The following CNTNAP2 variants were observed in gnomAD, a reference collection of about 807,000 sequenced individuals.
The protein encoded by CNTNAP2 is contactin-associated protein-like 2.
CNTNAP2 carries 98 observed loss-of-function variants against 155.2 expected under a neutral mutation model. That is an observed-to-expected ratio of 0.63 (90% CI 0.54 to 0.75). The LOEUF (loss-of-function observed/expected upper bound fraction) is 0.75. Among genes scored for constraint, CNTNAP2 ranks in the 30% least tolerant of loss-of-function variants. The pLI is 0.00. For synonymous variants in CNTNAP2, 651 were observed against 631.2 expected, an observed-to-expected ratio of 1.03 and a Z score of -0.47; for missense variants, 1,727 against 1,688.1, an observed-to-expected ratio of 1.02 and a Z score of -0.40.
At chr7:146,151,990 T>C (rs1039389685) in intron 1 of CNTNAP2, among the ~76,000 whole-genome samples, 1 of 151,444 alleles carries the variant, frequency 6.6e-6, no homozygotes, top group African/African-American at 2.4e-5. Context: ...AACTACCATA[T>C]GATTCAGCAA....
At chr7:148,169,895 G>T (rs901182595) in intron 17 of CNTNAP2, among the ~76,000 whole-genome samples, 1 of 152,122 alleles carries the variant, frequency 6.6e-6, no homozygotes, top group Non-Finnish European at 1.5e-5. Flanking sequence ...GGGAGGCGGA[G>T]GTTGCAGTGA....
At chr7:146,798,993 C>T (rs1802820969) in intron 2 of CNTNAP2, among the ~76,000 whole-genome samples, 1 of 152,160 alleles carries the variant, frequency 6.6e-6, no homozygotes, top group Non-Finnish European at 1.5e-5. Context: ...TATCCTCTTT[C>T]ATACAAACTA....
At chr7:147,692,377 A>G (rs1488757237) in intron 13 of CNTNAP2, among the ~76,000 whole-genome samples, 37 of 152,090 alleles carry the variant, frequency 2.4e-4, no homozygotes, top group Non-Finnish European at 7.4e-5. Context: ...ACCAAACAAC[A>G]CTATTGCTGT....
chr7:147,293,659 G>A (rs991933417), intron 8 of CNTNAP2, among the ~76,000 whole-genome samples: 4 of 151,936 alleles, frequency 2.6e-5, no homozygotes, highest in African/African-American at 9.7e-5. Context: ...TTTTAAATAC[G>A]TTCTTTTTCT....
rs191035604 is a variant in CNTNAP2, at chr7:147,534,077, A to G, written c.1778-28061A>G. Among the ~76,000 whole-genome samples the G allele has an allele frequency of 6.4e-3, 978 of 152,312 alleles. 13 individuals are homozygous for G. The highest frequency in any genetic ancestry group is 0.022 in the African/African-American group (931 of 41,560). Reference sequence around the variant, plus strand: ...CAATTCTCTATCAACATGGAGGCTCAACCTGATTTTGGGGCATTGTGTAAG... The same window carrying G: ...CAATTCTCTATCAACATGGAGGCTCGACCTGATTTTGGGGCATTGTGTAAG... On this transcript the variant is annotated intron_variant, in intron 11 of 23. Transcript: ENST00000361727.
chr7:148,335,678 A>G (rs6976306), intron 21 of CNTNAP2, among the ~76,000 whole-genome samples: 64,766 of 152,052 alleles, frequency 0.43, 14,325 homozygotes, highest in East Asian at 0.66. Flanking sequence ...ATCATCCCCT[A>G]AAAGAAATGC....
intron 12 of CNTNAP2, among the ~76,000 whole-genome samples, chr7:147,584,719 A>G (rs993519841): frequency 6.6e-6 from 1 of 152,216 alleles, no homozygotes; most frequent in Non-Finnish European, 1.5e-5. Context: ...TGAAAAATTC[A>G]GAGCTTCTTG....
intron 4 of CNTNAP2, among the ~76,000 whole-genome samples, chr7:147,058,314 C>T (rs574306017): frequency 5.8e-4 from 89 of 152,152 alleles, no homozygotes; most frequent in Non-Finnish European, 9.4e-4. Context: ...ACATTCAAAA[C>T]AATATAAATT....
chr7:147,407,467 CAAAAAAA>C (rs768738493), intron 10 of CNTNAP2, among the ~76,000 whole-genome samples: 3 of 64,904 alleles, frequency 4.6e-5, no homozygotes, highest in African/African-American at 5.4e-5. Flanking sequence ...GACTCCCTCT[CAAAAAAA>C]AAAAAAAAAA....
intron 11 of CNTNAP2, among the ~76,000 whole-genome samples, chr7:147,535,852 T>C (rs928831872): frequency 3.9e-5 from 6 of 152,196 alleles, no homozygotes; most frequent in Admixed American, 2.0e-4. Flanking sequence ...TGCAGCAATG[T>C]ACTGGAACAG....
intron 3 of CNTNAP2, among the ~76,000 whole-genome samples, chr7:146,905,379 C>A (rs1490807571): frequency 2.0e-5 from 3 of 152,094 alleles, no homozygotes; most frequent in Non-Finnish European, 4.4e-5. Flanking sequence ...ACATTCTCAT[C>A]ACCTCACCTT....
At chr7:146,326,606 A>G (rs995441540) in intron 1 of CNTNAP2, among the ~76,000 whole-genome samples, 2 of 152,208 alleles carry the variant, frequency 1.3e-5, no homozygotes, top group African/African-American at 4.8e-5. Context: ...TATGTTGATG[A>G]CACACCACAG....
intron 9 of CNTNAP2, among the ~76,000 whole-genome samples, chr7:147,327,824 T>C (rs1478684033): frequency 6.6e-6 from 1 of 152,154 alleles, no homozygotes; most frequent in East Asian, 1.9e-4. Flanking sequence ...TCATATCATG[T>C]GGTCTTTTGG....
At chr7:146,361,078 G>A (rs1157981165) in intron 1 of CNTNAP2, among the ~76,000 whole-genome samples, 1 of 152,116 alleles carries the variant, frequency 6.6e-6, no homozygotes, top group Non-Finnish European at 1.5e-5. Flanking sequence ...TCTGGGTTTT[G>A]AAAGCAAGAG....
At chr7:146,945,378 A>T (rs1007366330) in intron 3 of CNTNAP2, among the ~76,000 whole-genome samples, 2 of 152,322 alleles carry the variant, frequency 1.3e-5, no homozygotes, top group Non-Finnish European at 2.9e-5. Flanking sequence ...CAACCCGGGA[A>T]TATCCATTTC....
rs535169684 is a variant in CNTNAP2, at chr7:147,487,861, C to T, written c.1777+1820C>T. Among the ~76,000 whole-genome samples the T allele has an allele frequency of 3.3e-5, 5 of 152,244 alleles. No individual in the cohort carries two copies. The East Asian group carries it at 7.7e-4, about 24-fold the overall frequency. On this transcript the variant is annotated intron_variant, in intron 11 of 23. Transcript: ENST00000361727. ...TAAAAGACAAAAATTGTCTTTTGTTCTGCTGCTCCTTCCTACTTGTTCCTT... is the reference window on the plus strand; with the variant it reads ...TAAAAGACAAAAATTGTCTTTTGTTTTGCTGCTCCTTCCTACTTGTTCCTT...
At chr7:147,342,525 A>G (rs1376929948) in intron 9 of CNTNAP2, among the ~76,000 whole-genome samples, 1 of 152,134 alleles carries the variant, frequency 6.6e-6, no homozygotes, top group Non-Finnish European at 1.5e-5. Context: ...CCAAGCTTCT[A>G]TTTATATTTG....
intron 15 of CNTNAP2, chr7:148,014,144 T>C (rs961430762): frequency 6.6e-6 from 1 of 152,070 alleles, no homozygotes; most frequent in African/African-American, 2.4e-5. Context: ...GAGCTCTGAA[T>C]TACAAACATC....
chr7:146,199,396 A>G (rs1798824315), intron 1 of CNTNAP2, among the ~76,000 whole-genome samples: 3 of 152,216 alleles, frequency 2.0e-5, no homozygotes, highest in Non-Finnish European at 4.4e-5. Context: ...AGGGATGGGT[A>G]GAACAGAAGA....
Sources: gnomAD v4.1 joint callset for allele counts (sites outside exome capture counted in the v4.1 genomes callset) on GRCh38, gnomAD v4.1.1 for gene constraint, MANE v1.5 for transcripts, NCBI Gene and HGNC (gene_info 2026-07-23, HGNC 2026-07-21) for gene names.